The following DRAM1 variants were observed in gnomAD, a reference collection of about 807,000 sequenced individuals.
The protein encoded by DRAM1 is DNA damage regulated autophagy modulator 1.
A neutral mutation model predicts 28.5 loss-of-function variants in DRAM1; 25 were observed. That is an observed-to-expected ratio of 0.88 (90% CI 0.64 to 1.23). DRAM1 has a LOEUF of 1.23. DRAM1 is among the 50% of genes most tolerant of loss of function. The pLI is 0.00. For missense variants in DRAM1, 249 were observed against 299.2 expected (o/e 0.83, Z 1.24); for synonymous variants, 113 against 114.2 (o/e 0.99, Z 0.07).
chr12:101,914,349 A>G, intron 5 of DRAM1, 117 bp downstream of exon 5: 1 of 590,688 alleles, frequency 1.7e-6, no homozygotes, highest in African/African-American at 1.9e-5. Flanking sequence ...AATGTCAAAT[A>G]AACATGGCAT....
At chr12:101,893,333 T>G (rs983193223) in intron 1 of DRAM1, among the ~76,000 whole-genome samples, 11 of 152,204 alleles carry the variant, frequency 7.2e-5, no homozygotes, top group African/African-American at 2.7e-4. Flanking sequence ...TTTATTTCGT[T>G]TTTTTGTTTT....
At chr12:101,917,249 A>G (rs140275806) in intron 5 of DRAM1, among the ~76,000 whole-genome samples, 1 of 152,340 alleles carries the variant, frequency 6.6e-6, no homozygotes, top group East Asian at 1.9e-4. Context: ...GACTGGAGGT[A>G]AGAGGTAAAG....
intron 1 of DRAM1, among the ~76,000 whole-genome samples, chr12:101,887,604 C>G (rs192855228): frequency 6.7e-6 from 1 of 149,460 alleles, no homozygotes; most frequent in Admixed American, 6.7e-5. Flanking sequence ...AATCTCGGTT[C>G]GCTGCAACCT....
At position 101,921,204 on chromosome 12, in the gene DRAM1, T is replaced by G; in HGVS notation, c.673-12T>G. 6.3e-7 allele frequency: 1 copy of G among 1,585,428 alleles called. No homozygotes were observed. The highest frequency in any genetic ancestry group is 1.1e-5 in the South Asian group (1 of 90,422). On this transcript the variant is annotated splice_polypyrimidine_tract_variant and intron_variant, in intron 6 of 6. Transcript: ENST00000258534. Reference sequence around the variant, plus strand: ...CTTCTTTTAAACCTTTCTCTTTCATTTTTAAAAATAGAGTGTCACCCTAAG... The same window carrying G: ...CTTCTTTTAAACCTTTCTCTTTCATGTTTAAAAATAGAGTGTCACCCTAAG...
intron 2 of DRAM1, among the ~76,000 whole-genome samples, chr12:101,898,602 A>T (rs940290602): frequency 1.3e-5 from 2 of 152,198 alleles, no homozygotes; most frequent in African/African-American, 2.4e-5. Context: ...TGTATTCTGA[A>T]GGCAAGCTGA....
chr12:101,892,349 C>T (rs945906996), intron 1 of DRAM1, among the ~76,000 whole-genome samples: 32 of 151,628 alleles, frequency 2.1e-4, no homozygotes, highest in Admixed American at 1.9e-3. Flanking sequence ...GATTCTTATG[C>T]CTCAGCCTCC....
At chr12:101,884,145 G>T (rs1174643145) in intron 1 of DRAM1, among the ~76,000 whole-genome samples, 1 of 151,968 alleles carries the variant, frequency 6.6e-6, no homozygotes, top group Admixed American at 6.6e-5. Context: ...CCAGCACTTT[G>T]GGAGGCTGAA....
chr12:101,884,317 T>A (rs1872801454), intron 1 of DRAM1, among the ~76,000 whole-genome samples: 1 of 144,298 alleles, frequency 6.9e-6, no homozygotes, highest in Non-Finnish European at 1.5e-5. Flanking sequence ...GAGCCTGCAG[T>A]CTGAGGCTGC....
intron 3 of DRAM1, among the ~76,000 whole-genome samples, chr12:101,906,601 C>T (rs375940112): frequency 6.6e-6 from 1 of 152,130 alleles, no homozygotes; most frequent in East Asian, 1.9e-4. Flanking sequence ...TGCCTATAAT[C>T]TGAGCACTTT....
intron 2 of DRAM1, among the ~76,000 whole-genome samples, chr12:101,899,465 G>A (rs954629796): frequency 2.6e-5 from 4 of 152,010 alleles, no homozygotes; most frequent in African/African-American, 9.7e-5. Context: ...AGACCAGCCT[G>A]GGCAATGTAG....
At chr12:101,905,946 C>T (rs763975983) in intron 3 of DRAM1, among the ~76,000 whole-genome samples, 6 of 151,948 alleles carry the variant, frequency 3.9e-5, no homozygotes, top group Non-Finnish European at 8.8e-5. Flanking sequence ...CGCGCCACCA[C>T]GCCTGGCTAG....
chr12:101,907,017 G>A (rs1480510242), intron 3 of DRAM1, among the ~76,000 whole-genome samples: 2 of 151,366 alleles, frequency 1.3e-5, no homozygotes, highest in Non-Finnish European at 3.0e-5. Context: ...GCAGGGACAG[G>A]GAACTTGTTT....
chr12:101,889,865 G>A (rs1415589002), intron 1 of DRAM1, among the ~76,000 whole-genome samples: 1 of 148,110 alleles, frequency 6.8e-6, no homozygotes, highest in Non-Finnish European at 1.5e-5. Context: ...GCTTAAACCT[G>A]TGAGGCAGAG....
At chr12:101,910,355 AG>A (rs959399402) in intron 4 of DRAM1, among the ~76,000 whole-genome samples, 1 of 152,184 alleles carries the variant, frequency 6.6e-6, no homozygotes, top group African/African-American at 2.4e-5. Flanking sequence ...TTCTTGATGC[AG>A]GAAACCTTCC....
At position 101,909,952 on chromosome 12, in the gene DRAM1, G is replaced by A. The variant is rs181848675; in HGVS notation, c.520+1589G>A. On this transcript the variant is annotated intron_variant, in intron 4 of 6. Transcript: ENST00000258534. Reference sequence around the variant, plus strand: ...GTAGGAAAATCGGAACTATGTTATCGGCGGCAATTTTGTTAGTCTGGGTTG... The same window carrying A: ...GTAGGAAAATCGGAACTATGTTATCAGCGGCAATTTTGTTAGTCTGGGTTG... Among the ~76,000 whole-genome samples, 118 of 152,220 alleles carry A rather than the reference G, an allele frequency of 7.8e-4. 1 individual carries two copies. Among genetic ancestry groups the A allele is most frequent in the African/African-American group, 2.6e-3 (110 of 41,532 alleles).
intron 6 of DRAM1, 96 bp downstream of exon 6, chr12:101,920,297 C>CTTTTT (rs373899697): frequency 2.7e-4 from 74 of 277,366 alleles, no homozygotes; most frequent in East Asian, 1.5e-3. Context: ...AGAGCACTTT[C>CTTTTT]TTTTTTTTTT....
chr12:101,879,700 G>A (rs192028614), intron 1 of DRAM1, among the ~76,000 whole-genome samples: 1 of 150,204 alleles, frequency 6.7e-6, no homozygotes, highest in East Asian at 2.1e-4. Flanking sequence ...TTGTGTAAAA[G>A]TAAAGACCTG....
chr12:101,918,436 A>ACC (rs1420314713), intron 5 of DRAM1, among the ~76,000 whole-genome samples: 2 of 152,192 alleles, frequency 1.3e-5, no homozygotes, highest in East Asian at 1.9e-4. Context: ...CAGAAGGAGG[A>ACC]AGCCTCTGTT....
chr12:101,892,402 ATTTTTTT>A (rs748326902), intron 1 of DRAM1, among the ~76,000 whole-genome samples: 610 of 82,714 alleles, frequency 7.4e-3, no homozygotes, highest in Non-Finnish European at 8.4e-3. Flanking sequence ...TGCCAGGCTA[ATTTTTTT>A]TTTTTTTTTT....
Sources: gnomAD v4.1 joint callset for allele counts (sites outside exome capture counted in the v4.1 genomes callset) on GRCh38, gnomAD v4.1.1 for gene constraint, MANE v1.5 for transcripts, NCBI Gene and HGNC (gene_info 2026-07-23, HGNC 2026-07-21) for gene names.